Variants in ADAMTS6 observed in about 807,000 individuals in gnomAD.
ADAMTS6 encodes A disintegrin and metalloproteinase with thrombospondin motifs 6.
Under a neutral mutation model 144.3 loss-of-function variants are expected in ADAMTS6, and 23 were observed. The ratio of observed to expected loss-of-function variants is 0.16; its 90% CI spans 0.11 to 0.23. The LOEUF is 0.23. Among genes scored for constraint, ADAMTS6 ranks in the 10% least tolerant of loss-of-function variants. The pLI, the probability that ADAMTS6 is intolerant of heterozygous loss-of-function variation, is 1.00. For missense variants in ADAMTS6, 999 were observed against 1,379.6 expected (o/e 0.72, Z 4.37); for synonymous variants, 444 against 457.5 (o/e 0.97, Z 0.38).
intron 21 of ADAMTS6, among the ~76,000 whole-genome samples, chr5:65,194,140 G>C (rs1755184088): frequency 6.6e-6 from 1 of 152,100 alleles, no homozygotes; most frequent in African/African-American, 2.4e-5. Context: ...GCCTTTCTAT[G>C]ATTTCTATCT....
chr5:65,186,948 C>T (rs1489724372), intron 22 of ADAMTS6, among the ~76,000 whole-genome samples: 2 of 152,112 alleles, frequency 1.3e-5, no homozygotes, highest in Non-Finnish European at 2.9e-5. Context: ...GCCACTCAAG[C>T]AGTAAGATTC....
chr5:65,391,419 T>TACACAC (rs34581260), intron 7 of ADAMTS6, among the ~76,000 whole-genome samples: 28 of 148,710 alleles, frequency 1.9e-4, no homozygotes, highest in East Asian at 1.8e-3. Context: ...TGTGTCTCTC[T>TACACAC]ACACACACAC....
At chr5:65,478,364 T>C (rs959427859) in intron 1 of ADAMTS6, among the ~76,000 whole-genome samples, 2 of 152,194 alleles carry the variant, frequency 1.3e-5, no homozygotes, top group Non-Finnish European at 2.9e-5. Context: ...TCACAATGCA[T>C]TGACCTTTTA....
intron 18 of ADAMTS6, among the ~76,000 whole-genome samples, chr5:65,222,427 C>T (rs7707398): frequency 0.15 from 22,357 of 152,086 alleles, 1,736 homozygotes; most frequent in Non-Finnish European, 0.17. Flanking sequence ...GGAACATCAA[C>T]CCTTACTTTA....
intron 7 of ADAMTS6, among the ~76,000 whole-genome samples, chr5:65,419,205 C>A (rs1368385612): frequency 1.3e-5 from 2 of 152,148 alleles, no homozygotes; most frequent in Middle Eastern, 3.2e-3. Flanking sequence ...CTATGGGATA[C>A]TACATGGCCA....
intron 7 of ADAMTS6, among the ~76,000 whole-genome samples, chr5:65,346,966 C>A (rs1468653469): frequency 6.8e-6 from 1 of 147,562 alleles, no homozygotes; most frequent in Non-Finnish European, 1.5e-5. Flanking sequence ...AAAAAAAAAA[C>A]CTTAGGAATA....
intron 20 of ADAMTS6, among the ~76,000 whole-genome samples, chr5:65,206,865 C>T (rs1440129707): frequency 1.4e-5 from 2 of 142,502 alleles, no homozygotes; most frequent in Non-Finnish European, 3.1e-5. Context: ...CACACACACA[C>T]ACAAATACAC....
chr5:65,357,223 A>C (rs1250886468), intron 7 of ADAMTS6, among the ~76,000 whole-genome samples: 2 of 151,930 alleles, frequency 1.3e-5, no homozygotes, highest in African/African-American at 4.8e-5. Flanking sequence ...AATGGGTCAA[A>C]AAAGAAATAG....
At chr5:65,352,915 A>C (rs1204191544) in intron 7 of ADAMTS6, among the ~76,000 whole-genome samples, 1 of 152,088 alleles carries the variant, frequency 6.6e-6, no homozygotes, top group East Asian at 1.9e-4. Context: ...AAATGATCTA[A>C]GAACCTAAAC....
intron 21 of ADAMTS6, among the ~76,000 whole-genome samples, chr5:65,192,600 A>G (rs1755084419): frequency 6.7e-6 from 1 of 150,166 alleles, no homozygotes; most frequent in Non-Finnish European, 1.5e-5. Context: ...TTTTTTTCTT[A>G]TGGTTGGGGA....
chr5:65,148,963 A>G lies in ADAMTS6; in HGVS notation c.*2873T>C, dbSNP rs1751991561. Reference sequence around the variant, plus strand: ...GTACCACATTATTACTGAGTATAAAATAATAAGCAACAACTAATCACAATA... The same window carrying G: ...GTACCACATTATTACTGAGTATAAAGTAATAAGCAACAACTAATCACAATA... On this transcript the variant is annotated 3_prime_UTR_variant, in exon 25 of 25. Transcript: ENST00000381055. 1.3e-5 allele frequency: 2 copies of G among 152,688 alleles called. No homozygotes were observed. Among genetic ancestry groups the G allele is most frequent in the South Asian group, 4.1e-4 (2 of 4,834 alleles). 9.5% of individuals were successfully genotyped at this position (152,688 alleles called of 1,614,324 possible). A position where few individuals can be genotyped will look rare whatever the true frequency, so the allele number is the denominator to read the frequency against.
intron 3 of ADAMTS6, among the ~76,000 whole-genome samples, chr5:65,462,266 C>T (rs1580765600): frequency 6.6e-6 from 1 of 152,130 alleles, no homozygotes; most frequent in Admixed American, 6.5e-5. Flanking sequence ...ATGTAGGAAG[C>T]AAGGTCTAGG....
At chr5:65,282,445 T>G (rs1203815791) in intron 11 of ADAMTS6, among the ~76,000 whole-genome samples, 1 of 152,062 alleles carries the variant, frequency 6.6e-6, no homozygotes, top group Non-Finnish European at 1.5e-5. Context: ...AGTTTGTAAA[T>G]GTTTCTTATT....
intron 21 of ADAMTS6, among the ~76,000 whole-genome samples, chr5:65,192,061 T>C (rs1194515198): frequency 6.6e-6 from 1 of 152,062 alleles, no homozygotes; most frequent in African/African-American, 2.4e-5. Context: ...CTCTAATGAA[T>C]TTTTTTCTAA....
chr5:65,209,172 C>T (rs1434969702), intron 20 of ADAMTS6, among the ~76,000 whole-genome samples: 1 of 152,152 alleles, frequency 6.6e-6, no homozygotes, highest in Admixed American at 6.5e-5. Flanking sequence ...TAAATTACCA[C>T]TTTTAAAAAT....
chr5:65,346,975 T>C (rs942419030), intron 7 of ADAMTS6, among the ~76,000 whole-genome samples: 3 of 149,226 alleles, frequency 2.0e-5, no homozygotes, highest in Non-Finnish European at 4.5e-5. Flanking sequence ...ACCTTAGGAA[T>C]ACATTTAGCC....
At chr5:65,219,980 T>C (rs1757201110) in intron 18 of ADAMTS6, among the ~76,000 whole-genome samples, 1 of 152,122 alleles carries the variant, frequency 6.6e-6, no homozygotes, top group Non-Finnish European at 1.5e-5. Flanking sequence ...AATAAGAATA[T>C]AAAAAATGTG....
intron 7 of ADAMTS6, among the ~76,000 whole-genome samples, chr5:65,425,932 T>C (rs1756479604): frequency 6.6e-6 from 1 of 151,590 alleles, no homozygotes; most frequent in Non-Finnish European, 1.5e-5. Context: ...CCTGGCTAAT[T>C]TTTTGTATTT....
chr5:65,240,422 T>C (rs1256909854), intron 15 of ADAMTS6, among the ~76,000 whole-genome samples: 1 of 151,688 alleles, frequency 6.6e-6, no homozygotes, highest in Non-Finnish European at 1.5e-5. Context: ...TTAGGAGGAG[T>C]AGGGAGAGGC....
Sources: gnomAD v4.1 joint callset for allele counts (sites outside exome capture counted in the v4.1 genomes callset) on GRCh38, gnomAD v4.1.1 for gene constraint, MANE v1.5 for transcripts, NCBI Gene and HGNC (gene_info 2026-07-23, HGNC 2026-07-21) for gene names.